Variants in TCF7 observed in about 807,000 individuals in gnomAD.
TCF7 encodes T-cell-factor-7.
TCF7 carries 19 observed loss-of-function variants against 46.8 expected under a neutral mutation model. That is an observed-to-expected ratio of 0.41 (90% CI 0.28 to 0.60). The LOEUF (loss-of-function observed/expected upper bound fraction) is 0.60, where lower values mean the gene tolerates loss of function less well. Ranked by LOEUF, TCF7 falls within the 20% of genes least tolerant of loss-of-function variation. The pLI is 0.35. For synonymous variants in TCF7, 245 were observed against 213.4 expected, an observed-to-expected ratio of 1.15 and a Z score of -1.29; for missense variants, 547 against 504.6, an observed-to-expected ratio of 1.08 and a Z score of -0.81.
intron 5 of TCF7, chr5:134,140,410 G>A (rs1052709402): frequency 5.4e-6 from 1 of 186,048 alleles, no homozygotes; most frequent in Non-Finnish European, 1.1e-5. Flanking sequence ...AGGAGGAAGG[G>A]TCACTTAGCT....
chr5:134,140,810 T>TCTACCCC (rs1561690738), intron 5 of TCF7: 1 of 455,464 alleles, frequency 2.2e-6, no homozygotes, highest in African/African-American at 2.0e-5. Context: ...AGCCCTCCTC[T>TCTACCCC]CTACCCCCTG....
At chr5:134,135,443 T>G (rs963680940) in intron 3 of TCF7, among the ~76,000 whole-genome samples, 1 of 152,130 alleles carries the variant, frequency 6.6e-6, no homozygotes, top group Non-Finnish European at 1.5e-5. Context: ...TGATGGTGGC[T>G]TGGACTGGGT....
intron 5 of TCF7, 40 bp from the exon 6 acceptor site, chr5:134,142,145 A>G (rs746683243): frequency 3.4e-5 from 55 of 1,613,434 alleles, no homozygotes; most frequent in Non-Finnish European, 4.5e-5. Flanking sequence ...GGTCTGGCCC[A>G]TAATTCTTGG....
chr5:134,130,554 TC>T (rs1207389116), intron 3 of TCF7, among the ~76,000 whole-genome samples: 2 of 152,236 alleles, frequency 1.3e-5, no homozygotes, highest in African/African-American at 4.8e-5. Flanking sequence ...GGGTGCTTTT[TC>T]TAATTAGCAC....
chr5:134,142,411 C>A, intron 6 of TCF7, 107 bp downstream of exon 6: 2 of 1,023,924 alleles, frequency 2.0e-6, no homozygotes, highest in Non-Finnish European at 2.5e-6. Flanking sequence ...TGTTTCGTGC[C>A]TCTGGCTATG....
intron 3 of TCF7, chr5:134,123,535 G>C (rs376039066): frequency 5.2e-6 from 2 of 386,534 alleles, no homozygotes; most frequent in African/African-American, 2.1e-5. Context: ...ACAGGTGAGA[G>C]GGGGAGAACA....
At chr5:134,135,221 A>G (rs1397931120) in intron 3 of TCF7, among the ~76,000 whole-genome samples, 1 of 152,184 alleles carries the variant, frequency 6.6e-6, no homozygotes, top group African/African-American at 2.4e-5. Context: ...CAGCCTCCCA[A>G]AGTGCTGGGA....
At chr5:134,117,049 G>A (rs1427396988) in intron 3 of TCF7, among the ~76,000 whole-genome samples, 1 of 152,248 alleles carries the variant, frequency 6.6e-6, no homozygotes, top group African/African-American at 2.4e-5. Flanking sequence ...GAGAGCTGCT[G>A]CATGCCAAGC....
At chr5:134,134,918 G>T (rs1311683758) in intron 3 of TCF7, among the ~76,000 whole-genome samples, 1 of 152,180 alleles carries the variant, frequency 6.6e-6, no homozygotes, top group Admixed American at 6.5e-5. Flanking sequence ...AGAGTAGAAG[G>T]TGCTGGGGTT....
chr5:134,133,058 C>T (rs73790171), intron 3 of TCF7, among the ~76,000 whole-genome samples: 3,234 of 152,244 alleles, frequency 0.021, 108 homozygotes, highest in African/African-American at 0.074. Context: ...GGGAGTGAGC[C>T]CTGTCACCAG....
chr5:134,112,671 A>G (rs541354596), upstream of TCF7, among the ~76,000 whole-genome samples: 7 of 152,376 alleles, frequency 4.6e-5, no homozygotes, highest in East Asian at 1.3e-3. Context: ...ATGAAAAAAA[A>G]CACTTGTCCC....
Position 134,146,539 on chromosome 5 carries a change from G to A in TCF7, c.*236G>A. The A allele has an allele frequency of 1.4e-6, 1 of 719,652 alleles. No individual in the cohort carries two copies. The highest frequency in any genetic ancestry group is 2.6e-6 in the Non-Finnish European group (1 of 387,248). 44.6% of individuals were successfully genotyped at this position (719,652 alleles called of 1,614,324 possible). ...TGGCCTAGCAGGCACAGGACACCTG[G>A]CCGCCTCCAGGAGCCTACCCCCTGA... On this transcript the variant is annotated 3_prime_UTR_variant, in exon 10 of 10. Transcript: ENST00000342854.
chr5:134,145,659 TG>T, intron 9 of TCF7: 1 of 1,438,080 alleles, frequency 7.0e-7, no homozygotes, highest in South Asian at 1.2e-5. Flanking sequence ...GAGTTTGGGG[TG>T]TGTCTGTGTA....
Position 134,139,049 on chromosome 5 carries a change from G to A in TCF7, c.635+11G>A. On this transcript the variant is annotated intron_variant, in intron 5 of 9. Coordinates refer to ENST00000342854, the MANE Select transcript of TCF7 (RefSeq NM_003202.5). ...CCACACTGTGAGCTGGTGAGTGTGG[G>A]CCCAATGGGAAAGGGGTACCGTGTG... 1 of 1,613,336 alleles carries A rather than the reference G, an allele frequency of 6.2e-7. No homozygotes were observed. Among genetic ancestry groups the A allele is most frequent in the South Asian group, 1.1e-5 (1 of 91,046 alleles).
intron 3 of TCF7, among the ~76,000 whole-genome samples, chr5:134,128,465 A>G (rs1483348404): frequency 6.6e-6 from 1 of 151,996 alleles, no homozygotes; most frequent in East Asian, 1.9e-4. Flanking sequence ...CAGTCCAGAC[A>G]GAGCCCCAGG....
At chr5:134,109,492 A>C in the TCF7 span, among the ~76,000 whole-genome samples, 1 of 152,158 alleles carries the variant, frequency 6.6e-6, no homozygotes, top group Non-Finnish European at 1.5e-5. Flanking sequence ...ACACCTGGCC[A>C]GGTGCGGTGG....
intron 3 of TCF7, among the ~76,000 whole-genome samples, chr5:134,122,832 C>T (rs1756793688): frequency 6.6e-6 from 1 of 152,188 alleles, no homozygotes; most frequent in Admixed American, 6.5e-5. Context: ...CCCAATGGTA[C>T]AGTGCACAGA....
upstream of TCF7, among the ~76,000 whole-genome samples, chr5:134,110,752 G>T (rs551441910): frequency 6.6e-6 from 1 of 152,208 alleles, no homozygotes; most frequent in Non-Finnish European, 1.5e-5. Context: ...AATCCATCTG[G>T]GGCTCCTTTG....
intron 3 of TCF7, among the ~76,000 whole-genome samples, chr5:134,124,700 T>TG (rs1757101912): frequency 6.6e-6 from 1 of 152,072 alleles, no homozygotes; most frequent in East Asian, 1.9e-4. Context: ...ACCACTAGCT[T>TG]GCTCTTCAAG....
Sources: gnomAD v4.1 joint callset for allele counts (sites outside exome capture counted in the v4.1 genomes callset) on GRCh38, gnomAD v4.1.1 for gene constraint, MANE v1.5 for transcripts, NCBI Gene and HGNC (gene_info 2026-07-23, HGNC 2026-07-21) for gene names.